H2BC11: variants seen among roughly 807,000 people sequenced by gnomAD.
The protein encoded by H2BC11 is histone H2B type 1-J.
H2BC11 carries 7 observed loss-of-function variants against 6.0 expected under a neutral mutation model. The observed-to-expected ratio is 1.16, with a 90% CI of 0.66 to 2.19. The LOEUF is 2.19. H2BC11 is among the 30% of genes most tolerant of loss of function. The probability of loss-of-function intolerance (pLI) is 0.00; values close to 1 mark genes in which losing one functional copy is unlikely to be tolerated. For synonymous variants in H2BC11, 127 were observed against 72.0 expected (o/e 1.77, Z -3.87); for missense variants, 215 against 170.3 (o/e 1.26, Z -1.46).
rs748451789 is a variant in H2BC11 at position 27,132,457 on chromosome 6, G to C, written c.294C>G (p.Ala98=). Residue 98 remains alanine, a synonymous_variant, in exon 1 of 1, where the codon GCC becomes GCG. Coordinates refer to ENST00000339812, the MANE Select transcript of H2BC11 (RefSeq NM_021058.4). The part of the protein sequence containing the change: ...STITSREIQT[A]VRLLLPGELA... The stretch of plus-strand genomic sequence containing the variant: ...ACTCCCCAGGCAGCAGCAGGCGCAC[G>C]GCCGTCTGGATCTCCCTGGAGGTGA... 4.2e-5 allele frequency: 68 copies of C among 1,614,092 alleles called. No homozygotes were observed. In the Middle Eastern group the frequency reaches 1.2e-3, roughly 27 times the overall value.
rs145348548 is a variant in H2BC11, at chr6:27,132,589, G to A, written c.162C>T (p.Gly54=). 5.9e-5 allele frequency: 95 copies of A among 1,614,242 alleles called. No individual in the cohort carries two copies. The African/African-American group carries it at 8.9e-4, about 15-fold the overall frequency. Residue 54 remains glycine (G), a synonymous_variant, in exon 1 of 1, where the codon GGC becomes GGT. Transcript: ENST00000339812. ...KVLKQVHPDT[G]ISSKAMGIMN... is the part of the protein sequence containing the mutation. ...TGATGCCCATGGCCTTGGACGAAAT[G>A]CCGGTGTCAGGGTGGACCTGCTTCA...
Position 27,132,560 on chromosome 6 carries a change from T to C in H2BC11, c.191A>G (p.Asn64Ser), listed in dbSNP as rs1478286252. ...CTCGAAAATGTCGTTCACAAACGAA[T>C]TCATGATGCCCATGGCCTTGGACGA... ...GISSKAMGIM[N>S]SFVNDIFERI... The change falls in exon 1 of 1, where the codon AAT (asparagine) becomes AGT (serine). Residue 64 changes from asparagine (N) to serine (S), a missense_variant. Physicochemically the swap from Asn to Ser is conservative, Grantham distance 46 (BLOSUM62 1). Transcript: ENST00000339812. 1 of 1,614,096 alleles carries C rather than the reference T, an allele frequency of 6.2e-7. No homozygotes were observed. Among genetic ancestry groups the C allele is most frequent in the Non-Finnish European group, 8.5e-7 (1 of 1,180,044 alleles).
In H2BC11 at chr6:27,132,764, T is replaced by C. The variant is rs751886693; in HGVS notation, c.-14A>G. ...TGGCTCTGGCATAGCACTGTGTAGC[T>C]ATAAAGCGCCAACGAAAAGGAAAAA... On this transcript the variant is annotated 5_prime_UTR_variant, in exon 1 of 1. The change creates a new upstream start codon in the 5' untranslated region. Coordinates refer to ENST00000339812, the MANE Select transcript of H2BC11 (RefSeq NM_021058.4). 1.2e-5 allele frequency: 19 copies of C among 1,600,300 alleles called. No individual in the cohort carries two copies. Among genetic ancestry groups the C allele is most frequent in the African/African-American group, 6.8e-5 (5 of 73,816 alleles).
Position 27,132,524 on chromosome 6 carries a change from C to G in H2BC11, c.227G>C (p.Gly76Ala). 6.2e-7 allele frequency: 1 copy of G among 1,614,252 alleles called. No homozygotes were observed. The highest frequency in any genetic ancestry group is 8.5e-7 in the Non-Finnish European group (1 of 1,180,046). Residue 76 changes from glycine to alanine, a missense_variant, in exon 1 of 1, where the codon GGT (glycine) becomes GCT (alanine). By Grantham distance (60) the Gly-to-Ala change is moderately conservative. Transcript: ENST00000339812. ...FVNDIFERIAGEASRLAHYNK... is the reference protein window; with the variant it reads ...FVNDIFERIAAEASRLAHYNK... ...GTAATGCGCCAGGCGGGAAGCCTCA[C>G]CTGCGATGCGCTCGAAAATGTCGTT...
chr6:27,132,460 C>A lies in H2BC11; in HGVS notation c.291G>T (p.Thr97=). 2 of 1,614,230 alleles carry A rather than the reference C, an allele frequency of 1.2e-6. No homozygotes were observed. The highest frequency in any genetic ancestry group is 1.7e-6 in the Non-Finnish European group (2 of 1,180,042). The change falls in exon 1 of 1, where the codon ACG becomes ACT. Residue 97 remains threonine (T), a synonymous_variant. Transcript: ENST00000339812. ...RSTITSREIQ[T]AVRLLLPGEL... ...CCCCAGGCAGCAGCAGGCGCACGGC[C>A]GTCTGGATCTCCCTGGAGGTGATGG... is the stretch of plus-strand genomic sequence containing the variant.
In H2BC11 at chr6:27,132,382, G is replaced by A. The variant is rs541707112; in HGVS notation, c.369C>T (p.Thr123=). The change falls in exon 1 of 1, where the codon ACC becomes ACT. Residue 123 remains threonine (T), a synonymous_variant. Transcript: ENST00000339812. The part of the protein sequence containing the change: ...SEGTKAVTKY[T]SAK Reference sequence around the variant, plus strand: ...ACCAACTCACTGTTTACTTAGCGCTGGTGTACTTGGTGACGGCCTTAGTAC... The same window carrying A: ...ACCAACTCACTGTTTACTTAGCGCTAGTGTACTTGGTGACGGCCTTAGTAC... The A allele has an allele frequency of 1.9e-5, 30 of 1,614,034 alleles. No homozygotes were observed. Among genetic ancestry groups the A allele is most frequent in the Non-Finnish European group, 2.5e-5 (30 of 1,180,036 alleles).
rs767171601 is a variant in H2BC11 at position 27,132,544 on chromosome 6, G to A, written c.207C>T (p.Asp69=). ...CCTCACCTGCGATGCGCTCGAAAATGTCGTTCACAAACGAATTCATGATGC... is the reference window on the plus strand; with the variant it reads ...CCTCACCTGCGATGCGCTCGAAAATATCGTTCACAAACGAATTCATGATGC... ...AMGIMNSFVN[D]IFERIAGEAS... Residue 69 remains aspartate, a synonymous_variant, in exon 1 of 1, where the codon GAC becomes GAT. Transcript: ENST00000339812. The A allele has an allele frequency of 4.3e-6, 7 of 1,614,214 alleles. No homozygotes were observed. Among genetic ancestry groups the A allele is most frequent in the Middle Eastern group, 1.6e-4 (1 of 6,062 alleles).
chr6:27,132,574 G>A lies in H2BC11; in HGVS notation c.177C>T (p.Ala59=), dbSNP rs578127486. ...TCACAAACGAATTCATGATGCCCAT[G>A]GCCTTGGACGAAATGCCGGTGTCAG... ...VHPDTGISSK[A]MGIMNSFVND... The change falls in exon 1 of 1, where the codon GCC becomes GCT. Residue 59 remains alanine, a synonymous_variant. Coordinates refer to ENST00000339812, the MANE Select transcript of H2BC11 (RefSeq NM_021058.4). 78 of 1,614,208 alleles carry A rather than the reference G, an allele frequency of 4.8e-5. 1 individual carries two copies. In the Admixed American group the frequency reaches 8.5e-4, roughly 18 times the overall value.
At position 27,132,451 on chromosome 6, in the gene H2BC11, G is replaced by A. The variant is rs1024478626; in HGVS notation, c.300C>T (p.Arg100=). 6 of 1,614,098 alleles carry A rather than the reference G, an allele frequency of 3.7e-6. No homozygotes were observed. The highest frequency in any genetic ancestry group is 5.1e-6 in the Non-Finnish European group (6 of 1,180,042). The change falls in exon 1 of 1, where the codon CGC becomes CGT. Residue 100 remains arginine (R), a synonymous_variant. Coordinates refer to ENST00000339812, the MANE Select transcript of H2BC11 (RefSeq NM_021058.4). ...ITSREIQTAV[R]LLLPGELAKH... is the part of the protein sequence containing the mutation. ...TGGCCAACTCCCCAGGCAGCAGCAG[G>A]CGCACGGCCGTCTGGATCTCCCTGG...
rs144900182 is a variant in H2BC11 at position 27,132,397 on chromosome 6, G to C, written c.354C>G (p.Ala118=). The part of the protein sequence containing the change: ...AKHAVSEGTK[A]VTKYTSAK ...ACTTAGCGCTGGTGTACTTGGTGACGGCCTTAGTACCCTCGGACACGGCGT... is the reference window on the plus strand; with the variant it reads ...ACTTAGCGCTGGTGTACTTGGTGACCGCCTTAGTACCCTCGGACACGGCGT... Residue 118 remains alanine (A), a synonymous_variant, in exon 1 of 1, where the codon GCC becomes GCG. Coordinates refer to ENST00000339812, the MANE Select transcript of H2BC11 (RefSeq NM_021058.4). The C allele has an allele frequency of 4.1e-5, 66 of 1,614,042 alleles. No homozygotes were observed. Among genetic ancestry groups the C allele is most frequent in the Admixed American group, 1.0e-4 (6 of 59,990 alleles).
In H2BC11 at chr6:27,132,729, C is replaced by T. The variant is rs376935770; in HGVS notation, c.22G>A (p.Ala8Thr). Reference sequence around the variant, plus strand: ...TTGGAGCCCTTTTTCGGGGCGGGAGCAGACTTCGCTGGCTCTGGCATAGCA... The same window carrying T: ...TTGGAGCCCTTTTTCGGGGCGGGAGTAGACTTCGCTGGCTCTGGCATAGCA... MPEPAKS[A>T]PAPKKGSKKA... The change falls in exon 1 of 1, where the codon GCT becomes ACT. Residue 8 changes from alanine to threonine, a missense_variant. Ala to Thr is a moderately conservative substitution (Grantham distance 58, BLOSUM62 0). Transcript: ENST00000339812. The T allele has an allele frequency of 6.2e-7, 1 of 1,614,080 alleles. No homozygotes were observed. The highest frequency in any genetic ancestry group is 1.7e-5 in the Admixed American group (1 of 59,992).
chr6:27,132,375 T>C lies in H2BC11; in HGVS notation c.376A>G (p.Lys126Glu), dbSNP rs745849245. 35 of 1,614,068 alleles carry C rather than the reference T, an allele frequency of 2.2e-5. No homozygotes were observed. Among genetic ancestry groups the C allele is most frequent in the Non-Finnish European group, 2.5e-5 (29 of 1,180,040 alleles). The change falls in exon 1 of 1, where the codon AAG becomes GAG. Residue 126 changes from lysine to glutamate, a missense_variant. Coordinates refer to ENST00000339812, the MANE Select transcript of H2BC11 (RefSeq NM_021058.4). ...GTTTGCAACCAACTCACTGTTTACT[T>C]AGCGCTGGTGTACTTGGTGACGGCC... ...TKAVTKYTSA[K>E]
rs1451377489 is a variant in H2BC11 at position 27,132,362 on chromosome 6, C to T, written c.*8G>A. 1.9e-6 allele frequency: 3 copies of T among 1,614,122 alleles called. No homozygotes were observed. Among genetic ancestry groups the T allele is most frequent in the Non-Finnish European group, 2.5e-6 (3 of 1,180,016 alleles). ...GTTAGGGTTGAGAGTTTGCAACCAA[C>T]TCACTGTTTACTTAGCGCTGGTGTA... On this transcript the variant is annotated 3_prime_UTR_variant, in exon 1 of 1. Coordinates refer to ENST00000339812, the MANE Select transcript of H2BC11 (RefSeq NM_021058.4).
Position 27,132,783 on chromosome 6 carries a change from G to T in H2BC11, c.-33C>A, listed in dbSNP as rs1269254555. ...TGTAGCTATAAAGCGCCAACGAAAA[G>T]GAAAAACAGCGTGAGCAGGGTATGA... is the stretch of plus-strand genomic sequence containing the variant. On this transcript the variant is annotated 5_prime_UTR_variant, in exon 1 of 1. Transcript: ENST00000339812. The T allele has an allele frequency of 6.3e-7, 1 of 1,591,558 alleles. No individual in the cohort carries two copies. The highest frequency in any genetic ancestry group is 8.5e-7 in the Non-Finnish European group (1 of 1,172,810).
chr6:27,132,357 A>G lies in H2BC11; in HGVS notation c.*13T>C. The G allele has an allele frequency of 6.2e-7, 1 of 1,614,020 alleles. No individual in the cohort carries two copies. The highest frequency in any genetic ancestry group is 8.5e-7 in the Non-Finnish European group (1 of 1,179,962). ...GAGCCGTTAGGGTTGAGAGTTTGCA[A>G]CCAACTCACTGTTTACTTAGCGCTG... On this transcript the variant is annotated 3_prime_UTR_variant, in exon 1 of 1. Transcript: ENST00000339812.
rs761516102 is a variant in H2BC11 at position 27,132,487 on chromosome 6, C to T, written c.264G>A (p.Ser88=). 9 of 1,614,134 alleles carry T rather than the reference C, an allele frequency of 5.6e-6. No individual in the cohort carries two copies. Among genetic ancestry groups the T allele is most frequent in the Non-Finnish European group, 7.6e-6 (9 of 1,180,058 alleles). Residue 88 remains serine, a synonymous_variant, in exon 1 of 1, where the codon TCG becomes TCA. Coordinates refer to ENST00000339812, the MANE Select transcript of H2BC11 (RefSeq NM_021058.4). ...TCTGGATCTCCCTGGAGGTGATGGTCGAGCGCTTGTTGTAATGCGCCAGGC... is the reference window on the plus strand; with the variant it reads ...TCTGGATCTCCCTGGAGGTGATGGTTGAGCGCTTGTTGTAATGCGCCAGGC... ...ASRLAHYNKR[S]TITSREIQTA...
At position 27,132,497 on chromosome 6, in the gene H2BC11, T is replaced by A; in HGVS notation, c.254A>T (p.Asn85Ile). The A allele has an allele frequency of 6.2e-7, 1 of 1,614,212 alleles. No individual in the cohort carries two copies. The highest frequency in any genetic ancestry group is 8.5e-7 in the Non-Finnish European group (1 of 1,180,036). Reference protein sequence around the residue: ...AGEASRLAHYNKRSTITSREI... With the variant: ...AGEASRLAHYIKRSTITSREI... The stretch of plus-strand genomic sequence containing the variant: ...CCTGGAGGTGATGGTCGAGCGCTTG[T>A]TGTAATGCGCCAGGCGGGAAGCCTC... Residue 85 changes from asparagine to isoleucine, a missense_variant, in exon 1 of 1, where the codon AAC becomes ATC. Asn to Ile is a moderately radical substitution (Grantham distance 149, BLOSUM62 -3). Transcript: ENST00000339812.
chr6:27,132,323 C>T lies in H2BC11; in HGVS notation c.*47G>A. 1.2e-6 allele frequency: 2 copies of T among 1,608,184 alleles called. No individual in the cohort carries two copies. Among genetic ancestry groups the T allele is most frequent in the East Asian group, 2.2e-5 (1 of 44,794 alleles). On this transcript the variant is annotated 3_prime_UTR_variant, in exon 1 of 1. Coordinates refer to ENST00000339812, the MANE Select transcript of H2BC11 (RefSeq NM_021058.4). ...GCTCTTTCTTTGAGAACATGGGTGG[C>T]TCTTAAAAGAGCCGTTAGGGTTGAG...
In H2BC11 at chr6:27,132,439, A is replaced by C; in HGVS notation, c.312T>G (p.Pro104=). ...EIQTAVRLLL[P]GELAKHAVSE... ...ACACGGCGTGCTTGGCCAACTCCCC[A>C]GGCAGCAGCAGGCGCACGGCCGTCT... Residue 104 remains proline, a synonymous_variant, in exon 1 of 1, where the codon CCT becomes CCG. Transcript: ENST00000339812. The C allele has an allele frequency of 6.2e-7, 1 of 1,614,184 alleles. No homozygotes were observed. The highest frequency in any genetic ancestry group is 8.5e-7 in the Non-Finnish European group (1 of 1,180,020).
Sources: gnomAD v4.1 joint callset for allele counts on GRCh38, gnomAD v4.1.1 for gene constraint, MANE v1.5 for transcripts, NCBI Gene and HGNC (gene_info 2026-07-23, HGNC 2026-07-21) for gene names.